The following TUT7 variants were observed in gnomAD, a reference collection of about 807,000 sequenced individuals.
The protein encoded by TUT7 is terminal uridylyl transferase 7.
In TUT7, 33 loss-of-function variants were observed where a neutral mutation model predicts 165.9. That is an observed-to-expected ratio of 0.20 (90% CI 0.15 to 0.27). The LOEUF (loss-of-function observed/expected upper bound fraction) is 0.27, where lower values mean the gene tolerates loss of function less well. Among genes scored for constraint, TUT7 ranks in the 10% least tolerant of loss-of-function variants. The pLI, the probability that TUT7 is intolerant of heterozygous loss-of-function variation, is 1.00. For synonymous variants in TUT7, 552 were observed against 608.1 expected, an observed-to-expected ratio of 0.91 and a Z score of 1.36; for missense variants, 1,338 against 1,762.3, an observed-to-expected ratio of 0.76 and a Z score of 4.31.
At chr9:86,344,422 C>G (rs1385043118) in intron 5 of TUT7, among the ~76,000 whole-genome samples, 2 of 151,982 alleles carry the variant, frequency 1.3e-5, no homozygotes, top group Non-Finnish European at 2.9e-5. Context: ...AATAGTTGTG[C>G]CCCCTCCCCA....
intron 26 of TUT7, among the ~76,000 whole-genome samples, chr9:86,289,803 GGAA>G (rs936791925): frequency 2.6e-5 from 4 of 151,918 alleles, no homozygotes; most frequent in Non-Finnish European, 5.9e-5. Flanking sequence ...ATTATTAGAA[GGAA>G]GAAGATCAGG....
Position 86,303,074 on chromosome 9 carries a change from A to C in TUT7, c.4094+12T>G. The C allele has an allele frequency of 7.3e-7, 1 of 1,369,642 alleles. No homozygotes were observed. Among genetic ancestry groups the C allele is most frequent in the Non-Finnish European group, 1.0e-6 (1 of 989,282 alleles). 84.8% of individuals were successfully genotyped at this position (1,369,642 alleles called of 1,614,324 possible). Reference sequence around the variant, plus strand: ...ATAAAAACACAACCAACCCCTTTGAACATTTACTTACTTTCTCCTCATAGG... The same window carrying C: ...ATAAAAACACAACCAACCCCTTTGACCATTTACTTACTTTCTCCTCATAGG... On this transcript the variant is annotated intron_variant, in intron 25 of 26. Coordinates refer to ENST00000375963, the MANE Select transcript of TUT7 (RefSeq NM_024617.4).
At position 86,325,392 on chromosome 9, in the gene TUT7, G is replaced by C; in HGVS notation, c.1731C>G (p.Val577=). ...TCAATTCCCGAGATACCAATTCTTT[G>C]ACACGAATACTTATCACTAAATCAG... is the stretch of plus-strand genomic sequence containing the variant. ...NLADLVISIR[V]KELVSRELKD... is the part of the protein sequence containing the mutation. Residue 577 remains valine (V), a synonymous_variant, in exon 12 of 27, where the codon GTC becomes GTG. Coordinates refer to ENST00000375963, the MANE Select transcript of TUT7 (RefSeq NM_024617.4). 1 of 1,613,962 alleles carries C rather than the reference G, an allele frequency of 6.2e-7. No homozygotes were observed. Among genetic ancestry groups the C allele is most frequent in the Middle Eastern group, 1.7e-4 (1 of 6,058 alleles).
At chr9:86,353,799 C>G (rs1272559820) in intron 1 of TUT7, among the ~76,000 whole-genome samples, 1 of 152,188 alleles carries the variant, frequency 6.6e-6, no homozygotes, top group Admixed American at 6.5e-5. Context: ...CAAGGTGCAG[C>G]TGTAATTAAA....
intron 10 of TUT7, among the ~76,000 whole-genome samples, chr9:86,333,407 G>A (rs956412524): frequency 6.6e-6 from 1 of 152,004 alleles, no homozygotes; most frequent in Non-Finnish European, 1.5e-5. Flanking sequence ...CCAGTTCTTA[G>A]GTATTTTGTT....
At chr9:86,307,778 C>T (rs770204242) in intron 22 of TUT7, among the ~76,000 whole-genome samples, 10 of 151,906 alleles carry the variant, frequency 6.6e-5, no homozygotes, top group Non-Finnish European at 1.0e-4. Flanking sequence ...TGATCACCTG[C>T]GGTCAGGAGT....
At chr9:86,342,070 A>G (rs1430754351) in intron 6 of TUT7, among the ~76,000 whole-genome samples, 1 of 152,166 alleles carries the variant, frequency 6.6e-6, no homozygotes, top group Non-Finnish European at 1.5e-5. Flanking sequence ...ATTTAAGGTT[A>G]AAAAAACAGT....
intron 26 of TUT7, chr9:86,298,794 T>C (rs1311817131): frequency 1.0e-6 from 1 of 985,106 alleles, no homozygotes; most frequent in African/African-American, 1.7e-5. Context: ...AATATTGTTG[T>C]TTTTTGTTTC....
chr9:86,333,192 T>C (rs1830474717), intron 10 of TUT7, among the ~76,000 whole-genome samples: 2 of 152,344 alleles, frequency 1.3e-5, no homozygotes, highest in East Asian at 1.9e-4. Flanking sequence ...ACACCTCCAG[T>C]AGATTGTGGC....
At chr9:86,317,990 T>A (rs962536436) in intron 16 of TUT7, among the ~76,000 whole-genome samples, 13 of 152,160 alleles carry the variant, frequency 8.5e-5, no homozygotes, top group Admixed American at 4.6e-4. Context: ...GTTGAGCCAA[T>A]CTTGCTTATA....
intron 6 of TUT7, among the ~76,000 whole-genome samples, chr9:86,341,809 A>G (rs1026990907): frequency 6.6e-6 from 1 of 152,194 alleles, no homozygotes; most frequent in African/African-American, 2.4e-5. Flanking sequence ...AGAAGCCTTC[A>G]TGACTGCTGT....
chr9:86,302,856 G>A (rs1403114652), intron 25 of TUT7, among the ~76,000 whole-genome samples: 1 of 152,128 alleles, frequency 6.6e-6, no homozygotes, highest in Admixed American at 6.5e-5. Context: ...TGATCCACTC[G>A]CCTTGGCCTC....
At chr9:86,295,979 A>G (rs1439736245) in intron 26 of TUT7, among the ~76,000 whole-genome samples, 1 of 152,202 alleles carries the variant, frequency 6.6e-6, no homozygotes, top group Non-Finnish European at 1.5e-5. Flanking sequence ...AACCAGAGTC[A>G]TTAACTTAAG....
At chr9:86,309,057 T>G (rs1827781363) in intron 21 of TUT7, among the ~76,000 whole-genome samples, 155 bp downstream of exon 21, 1 of 152,204 alleles carries the variant, frequency 6.6e-6, no homozygotes, top group African/African-American at 2.4e-5. Flanking sequence ...AAAAATATTT[T>G]CACATCAAAG....
chr9:86,326,088 TGTAATATATTAGAAA>T (rs1829766615), intron 11 of TUT7, among the ~76,000 whole-genome samples: 1 of 152,246 alleles, frequency 6.6e-6, no homozygotes, highest in East Asian at 1.9e-4. Context: ...ATAACTGCGA[TGTAATATATTAGAAA>T]GTACATATTA....
chr9:86,305,979 T>C (rs1263275250), intron 22 of TUT7, among the ~76,000 whole-genome samples: 2 of 152,216 alleles, frequency 1.3e-5, no homozygotes, highest in Non-Finnish European at 2.9e-5. Flanking sequence ...CAAAGATTTA[T>C]GTGAGGTGTG....
intron 14 of TUT7, 59 bp downstream of exon 14, chr9:86,322,266 G>T (rs1269276337): frequency 2.0e-6 from 3 of 1,511,106 alleles, no homozygotes; most frequent in Non-Finnish European, 2.7e-6. Context: ...TGATTCTAAA[G>T]ACTCGAGTAA....
At chr9:86,313,795 T>C (rs566098595) in intron 17 of TUT7, among the ~76,000 whole-genome samples, 1 of 152,300 alleles carries the variant, frequency 6.6e-6, no homozygotes, top group African/African-American at 2.4e-5. Context: ...ATAAGCTCAT[T>C]CTGAGATGTC....
At chr9:86,301,857 C>A (rs1826941104) in intron 25 of TUT7, 5 of 985,328 alleles carry the variant, frequency 5.1e-6, no homozygotes, top group Non-Finnish European at 6.0e-6. Flanking sequence ...CAATTAGTGG[C>A]ACTCCTTGGC....
Sources: gnomAD v4.1 joint callset for allele counts (sites outside exome capture counted in the v4.1 genomes callset) on GRCh38, gnomAD v4.1.1 for gene constraint, MANE v1.5 for transcripts, NCBI Gene and HGNC (gene_info 2026-07-23, HGNC 2026-07-21) for gene names.